CEP83: variants seen among roughly 807,000 people sequenced by gnomAD.
CEP83 encodes the protein centrosomal protein of 83 kDa.
A neutral mutation model predicts 101.9 loss-of-function variants in CEP83; 70 were observed. That is an observed-to-expected ratio of 0.69 (90% CI 0.57 to 0.84). CEP83 has a LOEUF of 0.84. Among genes scored for constraint, CEP83 ranks in the 40% least tolerant of loss-of-function variants. The probability of loss-of-function intolerance (pLI) is 0.00; values close to 1 mark genes in which losing one functional copy is unlikely to be tolerated. For missense variants in CEP83, 715 were observed against 787.2 expected (o/e 0.91, Z 1.10); for synonymous variants, 264 against 267.9 (o/e 0.99, Z 0.14).
intron 16 of CEP83, among the ~76,000 whole-genome samples, chr12:94,309,717 C>A (rs1237526884): frequency 6.6e-6 from 1 of 152,132 alleles, no homozygotes; most frequent in East Asian, 1.9e-4. Context: ...ACTAAAGGAT[C>A]ATGATTCAAA....
intron 11 of CEP83, among the ~76,000 whole-genome samples, chr12:94,358,229 G>A (rs2060572823): frequency 6.6e-6 from 1 of 152,194 alleles, no homozygotes; most frequent in Non-Finnish European, 1.5e-5. Context: ...CCTATAAACT[G>A]ATGGGGAAGA....
intron 8 of CEP83, among the ~76,000 whole-genome samples, chr12:94,370,590 C>T (rs1056077126): frequency 6.6e-6 from 1 of 152,150 alleles, no homozygotes; most frequent in African/African-American, 2.4e-5. Flanking sequence ...GTTGACCAGG[C>T]TGGTCTCAAA....
chr12:94,358,971 C>T (rs549560852), intron 11 of CEP83, among the ~76,000 whole-genome samples: 3 of 152,324 alleles, frequency 2.0e-5, no homozygotes, highest in East Asian at 1.9e-4. Flanking sequence ...ATACCTGGCC[C>T]GCCCAGGGCA....
intron 11 of CEP83, among the ~76,000 whole-genome samples, chr12:94,359,629 G>A (rs1479608296): frequency 1.3e-5 from 2 of 152,200 alleles, no homozygotes; most frequent in East Asian, 3.9e-4. Flanking sequence ...TAACAAGACT[G>A]CATCATCAAT....
chr12:94,279,336 A>G, the CEP83 span: 1 of 638,496 alleles, frequency 1.6e-6, no homozygotes, highest in African/African-American at 1.8e-5. Context: ...AGATGAAAGT[A>G]GTCTAATGCA....
the CEP83 span, among the ~76,000 whole-genome samples, chr12:94,268,930 C>G: frequency 6.6e-6 from 1 of 151,872 alleles, no homozygotes; most frequent in Non-Finnish European, 1.5e-5. Context: ...GGTTTTTTTC[C>G]CCTTTGCAAA....
the CEP83 span, chr12:94,301,064 C>A: frequency 8.7e-6 from 14 of 1,612,820 alleles, no homozygotes; most frequent in African/African-American, 1.3e-5. Flanking sequence ...GAAGGTAAGG[C>A]CCAGCTTGAG....
chr12:94,365,252 T>C (rs2060964945), intron 11 of CEP83, among the ~76,000 whole-genome samples: 2 of 152,164 alleles, frequency 1.3e-5, no homozygotes, highest in South Asian at 2.1e-4. Context: ...CTTAAACACA[T>C]GGAACATTGT....
intron 1 of CEP83, among the ~76,000 whole-genome samples, chr12:94,441,914 CA>C (rs370968833): frequency 0.051 from 3,158 of 61,758 alleles, 37 homozygotes; most frequent in East Asian, 0.21. Flanking sequence ...GACTCCGTCT[CA>C]AAAAAAAAAA....
At chr12:94,269,723 A>T in the CEP83 span, among the ~76,000 whole-genome samples, 13 of 152,242 alleles carry the variant, frequency 8.5e-5, no homozygotes, top group Admixed American at 6.5e-5. Flanking sequence ...CAGTGAAGTT[A>T]ATTAACAATT....
intron 1 of CEP83, among the ~76,000 whole-genome samples, chr12:94,456,464 A>G (rs184501552): frequency 2.6e-5 from 4 of 152,368 alleles, no homozygotes; most frequent in Non-Finnish European, 5.9e-5. Flanking sequence ...ATTGCTATAA[A>G]GAACTGCCTG....
chr12:94,418,290 G>A (rs1315710112), intron 2 of CEP83, among the ~76,000 whole-genome samples: 2 of 152,200 alleles, frequency 1.3e-5, no homozygotes, highest in Non-Finnish European at 2.9e-5. Context: ...GAATCTGGGA[G>A]GCAGAGGCTG....
At chr12:94,357,350 A>G (rs1032116994) in intron 11 of CEP83, among the ~76,000 whole-genome samples, 2 of 152,058 alleles carry the variant, frequency 1.3e-5, no homozygotes, top group Non-Finnish European at 2.9e-5. Flanking sequence ...TGGTCATACT[A>G]AAAAAGAATG....
intron 4 of CEP83, among the ~76,000 whole-genome samples, chr12:94,409,673 T>C (rs2063760253): frequency 6.6e-6 from 1 of 152,192 alleles, no homozygotes; most frequent in Non-Finnish European, 1.5e-5. Flanking sequence ...AAGTTTGTTC[T>C]TTCACAGTTT....
At chr12:94,328,491 A>G (rs902120819) in intron 14 of CEP83, among the ~76,000 whole-genome samples, 4 of 152,214 alleles carry the variant, frequency 2.6e-5, no homozygotes, top group African/African-American at 9.6e-5. Context: ...CCAAAGGATT[A>G]TTTCTGCACT....
At chr12:94,387,062 A>G (rs1460601376) in intron 6 of CEP83, among the ~76,000 whole-genome samples, 1 of 152,214 alleles carries the variant, frequency 6.6e-6, no homozygotes, top group Non-Finnish European at 1.5e-5. Context: ...CCATATGCAA[A>G]GGAATGAAAC....
the CEP83 span, among the ~76,000 whole-genome samples, chr12:94,289,861 C>T: frequency 2.0e-5 from 3 of 152,200 alleles, no homozygotes; most frequent in African/African-American, 7.2e-5. Context: ...CACACACACA[C>T]ACAACTCATC....
the CEP83 span, among the ~76,000 whole-genome samples, chr12:94,276,625 T>C: frequency 1.7e-4 from 26 of 152,192 alleles, no homozygotes; most frequent in Admixed American, 1.7e-3. Flanking sequence ...CCTCTGTGCC[T>C]CAGTTCCCTC....
At chr12:94,424,357 A>C (rs1593947573) in intron 2 of CEP83, 4 of 1,614,006 alleles carry the variant, frequency 2.5e-6, no homozygotes, top group Non-Finnish European at 3.4e-6. Flanking sequence ...CTGGTACTCC[A>C]GGGGGTGTCT....
Sources: allele counts gnomAD v4.1 joint callset (sites outside exome capture counted in the v4.1 genomes callset), GRCh38; gene constraint gnomAD v4.1.1; transcripts MANE v1.5; gene names NCBI Gene and HGNC (gene_info 2026-07-23, HGNC 2026-07-21).